HOMER1: variants seen among roughly 807,000 people sequenced by gnomAD.
HOMER1 encodes the protein homer protein homolog 1.
A neutral mutation model predicts 48.9 loss-of-function variants in HOMER1; 3 were observed. The ratio of observed to expected loss-of-function variants is 0.06; its 90% confidence interval spans 0.03 to 0.16. The LOEUF (loss-of-function observed/expected upper bound fraction) is 0.16. Ranked by LOEUF, HOMER1 falls within the 10% of genes least tolerant of loss-of-function variation. The pLI is 1.00. For missense variants in HOMER1, 247 were observed against 411.4 expected (o/e 0.60, Z 3.46); for synonymous variants, 134 against 146.4 (o/e 0.92, Z 0.61).
At chr5:79,376,504 T>G (rs1226429380) in intron 8 of HOMER1, among the ~76,000 whole-genome samples, 3 of 152,222 alleles carry the variant, frequency 2.0e-5, no homozygotes, top group Non-Finnish European at 4.4e-5. Flanking sequence ...GACCTATTTA[T>G]GGATCACTTA....
intron 1 of HOMER1, among the ~76,000 whole-genome samples, chr5:79,512,328 C>G (rs963987742): frequency 6.6e-6 from 1 of 152,206 alleles, no homozygotes; most frequent in African/African-American, 2.4e-5. Context: ...ACAATTTACT[C>G]TGGATCACTT....
At chr5:79,433,600 C>G (rs1750484732) in intron 5 of HOMER1, among the ~76,000 whole-genome samples, 2 of 152,036 alleles carry the variant, frequency 1.3e-5, no homozygotes, top group African/African-American at 4.8e-5. Context: ...AGATTAAGCA[C>G]TTCCTTTTGT....
chr5:79,496,863 G>A (rs1225613841), intron 1 of HOMER1, among the ~76,000 whole-genome samples: 4 of 151,776 alleles, frequency 2.6e-5, no homozygotes, highest in East Asian at 3.9e-4. Flanking sequence ...CCGAGAGTTC[G>A]AGACCAGCCT....
rs1349080228 is a variant in HOMER1, at chr5:79,379,115, A to ATATATATATATAT, written c.877-2919_877-2918insATATATATATATA. Among the ~76,000 whole-genome samples the ATATATATATATAT allele has an allele frequency of 2.2e-3, 124 of 55,588 alleles. 12 individuals carry two copies. Among genetic ancestry groups the ATATATATATATAT allele is most frequent in the African/African-American group, 5.0e-3 (70 of 13,980 alleles). 36.5% of individuals were successfully genotyped at this position (55,588 alleles called of 152,430 possible). A position where few individuals can be genotyped will look rare whatever the true frequency, so the allele number is the denominator to read the frequency against. On this transcript the variant is annotated intron_variant, in intron 8 of 8. Coordinates refer to ENST00000334082, the MANE Select transcript of HOMER1 (RefSeq NM_004272.5). ...ATATATATATATATATATATATATA[A>ATATATATATATAT]AATATATAAATATTTATTTATATAT...
intron 8 of HOMER1, among the ~76,000 whole-genome samples, chr5:79,394,640 T>A (rs1229844985): frequency 1.3e-5 from 2 of 152,170 alleles, no homozygotes; most frequent in Admixed American, 1.3e-4. Flanking sequence ...TGCAGTGGTG[T>A]GATCATAGCT....
chr5:79,438,879 A>T, intron 5 of HOMER1, 131 bp downstream of exon 5: 1 of 483,276 alleles, frequency 2.1e-6, no homozygotes, highest in East Asian at 4.5e-5. Flanking sequence ...GAAGCAGTAA[A>T]AAAAAAAAAA....
chr5:79,375,950 A>C lies in HOMER1; in HGVS notation c.*59T>G. ...TGCAATCTTGATGCAGAGCCTAAACAGTCCTATGAAGAGAGACAGTGTATC... is the reference window on the plus strand; with the variant it reads ...TGCAATCTTGATGCAGAGCCTAAACCGTCCTATGAAGAGAGACAGTGTATC... On this transcript the variant is annotated 3_prime_UTR_variant, in exon 9 of 9. Coordinates refer to ENST00000334082, the MANE Select transcript of HOMER1 (RefSeq NM_004272.5). 9.5e-7 allele frequency: 1 copy of C among 1,049,928 alleles called. No homozygotes were observed. The highest frequency in any genetic ancestry group is 1.3e-6 in the Non-Finnish European group (1 of 744,870). 65.0% of individuals were successfully genotyped at this position (1,049,928 alleles called of 1,614,324 possible).
At chr5:79,394,752 T>C (rs1482957050) in intron 8 of HOMER1, among the ~76,000 whole-genome samples, 1 of 152,176 alleles carries the variant, frequency 6.6e-6, no homozygotes, top group African/African-American at 2.4e-5. Context: ...CATTTTTTTG[T>C]AGATGCAGCA....
intron 5 of HOMER1, among the ~76,000 whole-genome samples, chr5:79,430,934 A>AT (rs1468693799): frequency 6.6e-6 from 1 of 151,892 alleles, no homozygotes; most frequent in African/African-American, 2.4e-5. Flanking sequence ...AAAAATAAAA[A>AT]TAAAAAAAAA....
intron 4 of HOMER1, among the ~76,000 whole-genome samples, chr5:79,442,677 T>C (rs1750766494): frequency 6.6e-6 from 1 of 152,208 alleles, no homozygotes; most frequent in Non-Finnish European, 1.5e-5. Context: ...CAAACATTCA[T>C]GGAAGACTCA....
chr5:79,508,803 CATTTT>C (rs1181876476), intron 1 of HOMER1, among the ~76,000 whole-genome samples: 4 of 152,190 alleles, frequency 2.6e-5, no homozygotes, highest in Non-Finnish European at 5.9e-5. Flanking sequence ...TTTCATTGCA[CATTTT>C]AATTTTAGGC....
At chr5:79,383,728 C>T (rs1239639852) in intron 8 of HOMER1, among the ~76,000 whole-genome samples, 1 of 152,044 alleles carries the variant, frequency 6.6e-6, no homozygotes, top group Non-Finnish European at 1.5e-5. Context: ...CCACGTGGAA[C>T]ATTCTCAAAG....
intron 8 of HOMER1, among the ~76,000 whole-genome samples, chr5:79,383,987 G>A (rs1022564018): frequency 2.0e-5 from 3 of 151,792 alleles, no homozygotes; most frequent in African/African-American, 7.3e-5. Context: ...CAAAACCCAT[G>A]TGACACAGCA....
Position 79,431,356 on chromosome 5 carries a change from C to T in HOMER1, c.527+7654G>A, listed in dbSNP as rs377440397. On this transcript the variant is annotated intron_variant, in intron 5 of 8. Coordinates refer to ENST00000334082, the MANE Select transcript of HOMER1 (RefSeq NM_004272.5). ...AACAACACATGCTAAGTGAAAGGAG[C>T]CAGTCACAAAGGCCACATATTATGA... Among the ~76,000 whole-genome samples the T allele has an allele frequency of 4.2e-3, 359 of 84,978 alleles. 1 individual carries two copies. The highest frequency in any genetic ancestry group is 0.041 in the African/African-American group (343 of 8,466). The allele number at this position is 84,978 out of a possible 152,430, so 55.7% of individuals were successfully genotyped here.
At chr5:79,512,034 TA>T (rs1274097170) in intron 1 of HOMER1, among the ~76,000 whole-genome samples, 2 of 152,246 alleles carry the variant, frequency 1.3e-5, no homozygotes, top group African/African-American at 2.4e-5. Flanking sequence ...TGTGAAGAGT[TA>T]ATAAAAGACT....
At chr5:79,429,474 A>T (rs1309701135) in intron 5 of HOMER1, among the ~76,000 whole-genome samples, 1 of 152,186 alleles carries the variant, frequency 6.6e-6, no homozygotes. Flanking sequence ...CTGATTTTTG[A>T]CAAGGGTGCC....
intron 1 of HOMER1, among the ~76,000 whole-genome samples, chr5:79,500,868 G>A (rs895171145): frequency 2.1e-4 from 31 of 150,684 alleles, no homozygotes; most frequent in African/African-American, 6.8e-4. Flanking sequence ...CAAGTGATCC[G>A]CCCGCCTCAG....
At chr5:79,471,272 G>A (rs961237684) in intron 1 of HOMER1, among the ~76,000 whole-genome samples, 19 of 152,078 alleles carry the variant, frequency 1.2e-4, no homozygotes, top group South Asian at 4.1e-4. Context: ...GGCCAGGAGC[G>A]GTGGCTCATG....
At position 79,374,322 on chromosome 5, in the gene HOMER1, T is replaced by C. The variant is rs1008406982; in HGVS notation, c.*1687A>G. 4 of 152,436 alleles carry C rather than the reference T, an allele frequency of 2.6e-5. No individual in the cohort carries two copies. The highest frequency in any genetic ancestry group is 7.2e-5 in the African/African-American group (3 of 41,456). 9.4% of individuals were successfully genotyped at this position (152,436 alleles called of 1,614,324 possible). On this transcript the variant is annotated 3_prime_UTR_variant, in exon 9 of 9. Coordinates refer to ENST00000334082, the MANE Select transcript of HOMER1 (RefSeq NM_004272.5). ...TTACAGCACATATAATACATGATTG[T>C]TATAAATTTTTCAGAGACACCTGAA...
Sources: allele counts gnomAD v4.1 joint callset (sites outside exome capture counted in the v4.1 genomes callset), GRCh38; gene constraint gnomAD v4.1.1; transcripts MANE v1.5; gene names NCBI Gene and HGNC (gene_info 2026-07-23, HGNC 2026-07-21).